LAMA4: variants seen among roughly 807,000 people sequenced by gnomAD.
LAMA4 encodes laminin subunit alpha 4.
In LAMA4, 127 loss-of-function variants were observed where a neutral mutation model predicts 207.1. The observed-to-expected ratio is 0.61, with a 90% CI of 0.53 to 0.71. The LOEUF is 0.71. Ranked by LOEUF, LAMA4 falls within the 30% of genes least tolerant of loss-of-function variation. The pLI is 0.00. For synonymous variants in LAMA4, 761 were observed against 816.0 expected, an observed-to-expected ratio of 0.93 and a Z score of 1.15; for missense variants, 2,093 against 2,246.5, an observed-to-expected ratio of 0.93 and a Z score of 1.38.
At chr6:112,147,209 A>T (rs117437456) in intron 18 of LAMA4, among the ~76,000 whole-genome samples, 2,303 of 152,338 alleles carry the variant, frequency 0.015, 24 homozygotes, top group Non-Finnish European at 0.026. Context: ...CAATATCATT[A>T]TAAATGTAAT....
intron 5 of LAMA4, among the ~76,000 whole-genome samples, chr6:112,193,999 G>A (rs1227065890): frequency 4.6e-5 from 7 of 152,076 alleles, no homozygotes; most frequent in African/African-American, 1.7e-4. Flanking sequence ...AAAAAGATGG[G>A]GATGAATGTA....
intron 3 of LAMA4, among the ~76,000 whole-genome samples, chr6:112,210,967 A>T (rs1311585841): frequency 6.6e-6 from 1 of 152,200 alleles, no homozygotes; most frequent in Non-Finnish European, 1.5e-5. Context: ...GTCCACATTA[A>T]AAAAAGCTCT....
In LAMA4 at chr6:112,178,223, C is replaced by T. The variant is rs201431982; in HGVS notation, c.1087G>A (p.Ala363Thr). Residue 363 changes from alanine (A) to threonine (T), a missense_variant, in exon 10 of 39, where the codon GCC becomes ACC. Ala to Thr is a moderately conservative substitution (Grantham distance 58). Around this residue, in one of 3 missense-constraint regions of LAMA4, gnomAD observed 1,704 missense variants for 1,788.4 expected, o/e 0.95. Coordinates refer to ENST00000230538, the MANE Select transcript of LAMA4 (RefSeq NM_001105206.3). The part of the protein sequence containing the change: ...VEELVEKENQ[A>T]SRKGQLVQKE... Reference sequence around the variant, plus strand: ...TGAACAAGTTGTCCTTTTCTGGAGGCTTGATTTTCCTACAAATAATCCGTA... The same window carrying T: ...TGAACAAGTTGTCCTTTTCTGGAGGTTTGATTTTCCTACAAATAATCCGTA... The T allele has an allele frequency of 6.2e-7, 1 of 1,610,696 alleles. No homozygotes were observed. The highest frequency in any genetic ancestry group is 1.1e-5 in the South Asian group (1 of 91,000).
Position 112,216,369 on chromosome 6 carries a change from A to G in LAMA4, c.296T>C (p.Val99Ala). Residue 99 changes from valine (V) to alanine (A), a missense_variant and splice_region_variant, in exon 3 of 39, where the codon GTG (valine) becomes GCG (alanine). By Grantham distance (64) the Val-to-Ala change is moderately conservative. Transcript: ENST00000230538. ...NECLDGSGYC[V>A]HCQRNTTGEH... ...AGTGTTATAGGTGCCCCAACTTACCACACAGTATCCTGAGCCGTCCAAACA... is the reference window on the plus strand; with the variant it reads ...AGTGTTATAGGTGCCCCAACTTACCGCACAGTATCCTGAGCCGTCCAAACA... 1.2e-6 allele frequency: 2 copies of G among 1,605,464 alleles called. No homozygotes were observed. The highest frequency in any genetic ancestry group is 1.7e-6 in the Non-Finnish European group (2 of 1,172,108).
At chr6:112,160,509 C>T (rs189323927) in intron 13 of LAMA4, among the ~76,000 whole-genome samples, 2 of 152,258 alleles carry the variant, frequency 1.3e-5, no homozygotes, top group East Asian at 1.9e-4. Flanking sequence ...AGCTTTTTCT[C>T]TTGCTTTGAC....
At chr6:112,214,864 A>T (rs1554358137) in intron 3 of LAMA4, among the ~76,000 whole-genome samples, 1 of 152,220 alleles carries the variant, frequency 6.6e-6, no homozygotes, top group Non-Finnish European at 1.5e-5. Flanking sequence ...CCATTCTGAC[A>T]ATGTCATTGT....
rs572986326 is a variant in LAMA4 at position 112,158,772 on chromosome 6, G to A, written c.1777C>T (p.His593Tyr). 9.8e-5 allele frequency: 158 copies of A among 1,613,752 alleles called. 3 individuals are homozygous for A. In the South Asian group the frequency reaches 1.7e-3, roughly 17 times the overall value. The change falls in exon 14 of 39, where the codon CAT (histidine) becomes TAT (tyrosine). Residue 593 changes from histidine to tyrosine, a missense_variant. By Grantham distance (83) the His-to-Tyr change is moderately conservative. Transcript: ENST00000230538. ...GCTTCTTGTTGAAGGTCCTGTGCAT[G>A]GTCAATAGCTTCTTGGACTAAATCA... ...SHDLVQEAID[H>Y]AQDLQQEANE...
chr6:112,109,493 T>C lies in LAMA4; in HGVS notation c.5416A>G (p.Ser1806Gly). The C allele has an allele frequency of 6.2e-7, 1 of 1,614,110 alleles. No homozygotes were observed. Among genetic ancestry groups the C allele is most frequent in the Non-Finnish European group, 8.5e-7 (1 of 1,179,998 alleles). The change falls in exon 39 of 39, where the codon AGT becomes GGT. Residue 1806 changes from serine (S) to glycine (G), a missense_variant. By Grantham distance (56) the Ser-to-Gly change is moderately conservative (BLOSUM62 0). Around this residue, in one of 3 missense-constraint regions of LAMA4, gnomAD observed 383 missense variants for 437.8 expected, o/e 0.87. Transcript: ENST00000230538. Reference sequence around the variant, plus strand: ...GCGCCGCTGACCAGGGCTGCTTTACTGAAGCTCACTGGGTGTCCATCAATC... The same window carrying C: ...GCGCCGCTGACCAGGGCTGCTTTACCGAAGCTCACTGGGTGTCCATCAATC... ...FVIDGHPVSF[S>G]KAALVSGAVS...
At chr6:112,126,303 G>A (rs1417527501) in intron 31 of LAMA4, among the ~76,000 whole-genome samples, 1 of 152,098 alleles carries the variant, frequency 6.6e-6, no homozygotes, top group Non-Finnish European at 1.5e-5. Context: ...TCTGACCAGT[G>A]TTCAAGTGTC....
At chr6:112,201,465 G>C in intron 5 of LAMA4, 143 bp downstream of exon 5, 1 of 793,280 alleles carries the variant, frequency 1.3e-6, no homozygotes, top group Admixed American at 1.8e-5. Flanking sequence ...ACTTCCCTAA[G>C]GGGTTTTGAA....
At chr6:112,155,004 A>G in intron 15 of LAMA4, 57 bp from the exon 16 acceptor site, 2 of 1,156,082 alleles carry the variant, frequency 1.7e-6, no homozygotes, top group Non-Finnish European at 2.6e-6. Context: ...TCAGCTATTC[A>G]TAGTTGAAGG....
rs1433259104 is a variant in LAMA4, at chr6:112,126,289, A to G, written c.4287+2633T>C. ...CTGTAATGTTAATCTGCTGCCTATG[A>G]ACCTCTGACCAGTGTTCAAGTGTCA... On this transcript the variant is annotated intron_variant, in intron 31 of 38. Coordinates refer to ENST00000230538, the MANE Select transcript of LAMA4 (RefSeq NM_001105206.3). Among the ~76,000 whole-genome samples, 3 of 152,190 alleles carry G rather than the reference A, an allele frequency of 2.0e-5. No homozygotes were observed. The East Asian group carries it at 5.8e-4, about 29-fold the overall frequency.
Position 112,133,424 on chromosome 6 carries a change from G to A in LAMA4, c.3621C>T (p.Phe1207=), listed in dbSNP as rs1779157983. 1.9e-6 allele frequency: 3 copies of A among 1,613,608 alleles called. No homozygotes were observed. Among genetic ancestry groups the A allele is most frequent in the Non-Finnish European group, 8.5e-7 (1 of 1,179,740 alleles). Residue 1207 remains phenylalanine (F), a synonymous_variant, in exon 27 of 39, where the codon TTC becomes TTT. Coordinates refer to ENST00000230538, the MANE Select transcript of LAMA4 (RefSeq NM_001105206.3). ...NFRGCMKGFQ[F]QKKDFNLLEQ... is the part of the protein sequence containing the mutation. Reference sequence around the variant, plus strand: ...CCAGTAAATTGAAGTCCTTCTTTTGGAACTGGAAGCCCTTCATGCATCCTC... The same window carrying A: ...CCAGTAAATTGAAGTCCTTCTTTTGAAACTGGAAGCCCTTCATGCATCCTC...
chr6:112,209,881 G>T (rs1398615568), intron 3 of LAMA4, among the ~76,000 whole-genome samples: 3 of 152,192 alleles, frequency 2.0e-5, no homozygotes, highest in Non-Finnish European at 4.4e-5. Context: ...AGTGTTGGAG[G>T]TGGGGCCTGG....
chr6:112,132,078 G>T lies in LAMA4; in HGVS notation c.3834+675C>A, dbSNP rs80277096. ...TGTTTGTTCATTGCATACAAACAGG[G>T]ACTCTTGAGAATTTTTGTGCCAGAA... On this transcript the variant is annotated intron_variant, in intron 28 of 38. Transcript: ENST00000230538. 2.0e-3 allele frequency among the ~76,000 whole-genome samples: 308 copies of T among 152,188 alleles called. 1 individual carries two copies. The highest frequency in any genetic ancestry group is 7.2e-3 in the African/African-American group (298 of 41,544).
intron 3 of LAMA4, among the ~76,000 whole-genome samples, chr6:112,209,067 A>G (rs1554355484): frequency 6.6e-6 from 1 of 152,206 alleles, no homozygotes; most frequent in Non-Finnish European, 1.5e-5. Flanking sequence ...AAGGAAATTA[A>G]CATGAACCCA....
intron 32 of LAMA4, chr6:112,121,802 C>G (rs1554326210): frequency 7.8e-6 from 4 of 515,946 alleles, no homozygotes; most frequent in Non-Finnish European, 1.1e-5. Flanking sequence ...TGGAAGAATA[C>G]TGTTTTATGA....
At chr6:112,143,544 A>G (rs1341376062) in intron 19 of LAMA4, among the ~76,000 whole-genome samples, 9 of 152,340 alleles carry the variant, frequency 5.9e-5, no homozygotes, top group African/African-American at 1.2e-4. Context: ...TTGGCCTCCC[A>G]AAGTGCTGAG....
At chr6:112,159,064 C>T in intron 13 of LAMA4, 184 bp from the exon 14 acceptor site, 1 of 584,320 alleles carries the variant, frequency 1.7e-6, no homozygotes, top group South Asian at 2.1e-5. Flanking sequence ...GCTCTTTCTT[C>T]TGTATTGATT....
Sources: allele counts gnomAD v4.1 joint callset (sites outside exome capture counted in the v4.1 genomes callset), GRCh38; gene constraint gnomAD v4.1.1; regional missense constraint gnomAD v4.1.1; transcripts MANE v1.5; gene names NCBI Gene and HGNC (gene_info 2026-07-23, HGNC 2026-07-21).